Variants in GPR35 observed in about 807,000 individuals in gnomAD.
GPR35 encodes the protein KYNA receptor.
For synonymous variants in GPR35, 207 were observed against 198.4 expected, an observed-to-expected ratio of 1.04 and a Z score of -0.36; for missense variants, 372 against 422.5, an observed-to-expected ratio of 0.88 and a Z score of 1.05.
upstream of GPR35, among the ~76,000 whole-genome samples, chr2:240,624,226 T>TGGGAATTGAGATCGGGC (rs11275380): frequency 7.2e-5 from 11 of 152,024 alleles, no homozygotes; most frequent in East Asian, 2.1e-3. Context: ...GAGTGAGGGA[T>TGGGAATTGAGATCGGGC]GGATGAAATC....
intron 2 of GPR35, among the ~76,000 whole-genome samples, chr2:240,615,898 G>T (rs561140201): frequency 5.3e-5 from 8 of 152,200 alleles, no homozygotes; most frequent in African/African-American, 9.6e-5. Flanking sequence ...CACCTTATAC[G>T]TTTTTAAAAA....
chr2:240,623,329 C>CGCAAACAGGTCATGAGGGT (rs2043322354), upstream of GPR35, among the ~76,000 whole-genome samples: 6 of 102,592 alleles, frequency 5.8e-5, no homozygotes, highest in Non-Finnish European at 6.3e-5. Context: ...GTCGTGAGGG[C>CGCAAACAGGTCATGAGGGT]GCAAACAGGT....
upstream of GPR35, among the ~76,000 whole-genome samples, chr2:240,623,320 TCGTGAGGGC>T (rs1559437449): frequency 8.4e-3 from 1,182 of 140,670 alleles, 98 homozygotes; most frequent in African/African-American, 0.022. Flanking sequence ...CGCAAACAGG[TCGTGAGGGC>T]GCAAACAGGT....
upstream of GPR35, among the ~76,000 whole-genome samples, chr2:240,623,360 G>GTGAGGGTGCAAACAGGTCA (rs1559437553): frequency 7.7e-5 from 10 of 130,642 alleles, no homozygotes; most frequent in Non-Finnish European, 1.4e-4. Flanking sequence ...CAAACAGGTC[G>GTGAGGGTGCAAACAGGTCA]TGAGGGCGCA....
intron 4 of GPR35, among the ~76,000 whole-genome samples, chr2:240,618,516 C>T (rs146929875): frequency 0.013 from 1,961 of 152,212 alleles, 18 homozygotes; most frequent in Non-Finnish European, 0.019. Flanking sequence ...TATTGTCAAC[C>T]CATAATGCAA....
Position 240,630,075 on chromosome 2 carries a change from G to C in GPR35, c.123G>C (p.Ala41=), listed in dbSNP as rs61734451. Reference sequence around the variant, plus strand: ...TAGGCCTGCTGCTCAACAGCCTGGCGCTCTGGGTGTTCTGCTGCCGCATGC... The same window carrying C: ...TAGGCCTGCTGCTCAACAGCCTGGCCCTCTGGGTGTTCTGCTGCCGCATGC... ...LVLGLLLNSL[A]LWVFCCRMQQ... Residue 41 remains alanine, a synonymous_variant, in exon 2 of 2, where the codon GCG becomes GCC. Coordinates refer to ENST00000407714, the MANE Select transcript of GPR35 (RefSeq NM_005301.5). The C allele has an allele frequency of 0.014, 23,052 of 1,611,404 alleles. 239 individuals carry two copies. Among genetic ancestry groups the C allele is most frequent in the Non-Finnish European group, 0.018 (20,783 of 1,179,930 alleles).
At chr2:240,627,136 C>T (rs2043387695) in intron 1 of GPR35, among the ~76,000 whole-genome samples, 1 of 152,154 alleles carries the variant, frequency 6.6e-6, no homozygotes, top group African/African-American at 2.4e-5. Context: ...TGGTGTCTGT[C>T]GAGGAAGACA....
upstream of GPR35, among the ~76,000 whole-genome samples, chr2:240,623,112 G>T (rs1007698126): frequency 6.6e-6 from 1 of 152,214 alleles, no homozygotes; most frequent in African/African-American, 2.4e-5. Context: ...CCCGGCACTC[G>T]CAGCCCCGCG....
At chr2:240,617,908 G>A (rs1268603390) in intron 4 of GPR35, among the ~76,000 whole-genome samples, 2 of 152,164 alleles carry the variant, frequency 1.3e-5, no homozygotes, top group Non-Finnish European at 2.9e-5. Flanking sequence ...AATTACATTA[G>A]ACATTTCCTA....
chr2:240,627,170 G>A (rs990941129), intron 1 of GPR35, among the ~76,000 whole-genome samples: 2 of 152,208 alleles, frequency 1.3e-5, no homozygotes, highest in Non-Finnish European at 2.9e-5. Flanking sequence ...GAGGCGGGAG[G>A]CCAGCTACGG....
chr2:240,608,929 T>G (rs1489289991), intron 2 of GPR35, among the ~76,000 whole-genome samples: 1 of 152,222 alleles, frequency 6.6e-6, no homozygotes, highest in Non-Finnish European at 1.5e-5. Context: ...TTGTTACATT[T>G]TATTTTTCTT....
In GPR35 at chr2:240,632,119, C is replaced by G. The variant is rs375750945; in HGVS notation, c.*1237C>G. Among the ~76,000 whole-genome samples, 5 of 151,318 alleles carry G rather than the reference C, an allele frequency of 3.3e-5. No individual in the cohort carries two copies. Among genetic ancestry groups the G allele is most frequent in the African/African-American group, 9.7e-5 (4 of 41,180 alleles). On this transcript the variant is annotated 3_prime_UTR_variant, in exon 2 of 2. Coordinates refer to ENST00000407714, the MANE Select transcript of GPR35 (RefSeq NM_005301.5). ...CCTCATTCCCAGGAGGGTCCCGTGC[C>G]CAGGAGGGCTCTATGCCCAAAAGGG... is the stretch of plus-strand genomic sequence containing the variant.
rs775602865 is a variant in GPR35 at position 240,630,304 on chromosome 2, G to A, written c.352G>A (p.Val118Met). ...CATCGCCGTGGACCGCTATGTGGCC[G>A]TGCGGCACCCGCTGCGTGCCCGCGG... ...TAIAVDRYVAVRHPLRARGLR... is the reference protein window; with the variant it reads ...TAIAVDRYVAMRHPLRARGLR... Residue 118 changes from valine (V) to methionine (M), a missense_variant, in exon 2 of 2, where the codon GTG (valine) becomes ATG (methionine). By Grantham distance (21) the Val-to-Met change is conservative. Coordinates refer to ENST00000407714, the MANE Select transcript of GPR35 (RefSeq NM_005301.5). The A allele has an allele frequency of 3.5e-5, 55 of 1,580,252 alleles. No homozygotes were observed. Among genetic ancestry groups the A allele is most frequent in the African/African-American group, 6.7e-5 (5 of 74,496 alleles).
chr2:240,631,225 GC>G lies in GPR35; in HGVS notation c.*344del. On this transcript the variant is annotated 3_prime_UTR_variant, in exon 2 of 2. Transcript: ENST00000407714. ...ATGACACCTGCCGCTGCCCCTCGGG[GC>G]TGGAATAAAACTCCCCACCCAGAGT... The G allele has an allele frequency of 3.0e-6, 1 of 328,298 alleles. No individual in the cohort carries two copies. 20.3% of individuals were successfully genotyped at this position (328,298 alleles called of 1,614,324 possible). A position where few individuals can be genotyped will look rare whatever the true frequency, so the allele number is the denominator to read the frequency against.
In GPR35 at chr2:240,619,361, G is replaced by A. The variant is rs542703029; in HGVS notation, c.-5+330G>A. On this transcript the variant is annotated intron_variant, in intron 5 of 5. Transcript: ENST00000319838. Reference sequence around the variant, plus strand: ...AGCAATTTACATCTCCTCTGTGAGCGTCTACTCCCATCTCTATCAGCAGGC... The same window carrying A: ...AGCAATTTACATCTCCTCTGTGAGCATCTACTCCCATCTCTATCAGCAGGC... 1.6e-4 allele frequency among the ~76,000 whole-genome samples: 24 copies of A among 152,344 alleles called. No individual in the cohort carries two copies. The South Asian group carries it at 1.7e-3, about 11-fold the overall frequency.
upstream of GPR35, among the ~76,000 whole-genome samples, chr2:240,623,910 G>A (rs1459959785): frequency 2.6e-5 from 4 of 152,092 alleles, no homozygotes; most frequent in Non-Finnish European, 5.9e-5. Context: ...CCACGTCAGG[G>A]AGGCCAGGCC....
At position 240,631,928 on chromosome 2, in the gene GPR35, A is replaced by G. The variant is rs2043453103; in HGVS notation, c.*1046A>G. ...AGAGAGATGGCAGTCATGTTCTGGC[A>G]GGGACATGGCACAAGCATGCGGCTG... On this transcript the variant is annotated 3_prime_UTR_variant, in exon 2 of 2. Coordinates refer to ENST00000407714, the MANE Select transcript of GPR35 (RefSeq NM_005301.5). Among the ~76,000 whole-genome samples, 1 of 152,188 alleles carries G rather than the reference A, an allele frequency of 6.6e-6. No individual in the cohort carries two copies. The highest frequency in any genetic ancestry group is 2.1e-4 in the South Asian group (1 of 4,824).
intron 2 of GPR35, chr2:240,607,107 G>T (rs1316864725): frequency 1.3e-5 from 2 of 152,050 alleles, no homozygotes; most frequent in African/African-American, 2.4e-5. Flanking sequence ...TCACATAGAT[G>T]ACTATGAGGA....
In GPR35 at chr2:240,630,312, C is replaced by A; in HGVS notation, c.360C>A (p.His120Gln). 6.3e-7 allele frequency: 1 copy of A among 1,585,642 alleles called. No individual in the cohort carries two copies. Among genetic ancestry groups the A allele is most frequent in the East Asian group, 2.2e-5 (1 of 44,608 alleles). Residue 120 changes from histidine (H) to glutamine (Q), a missense_variant, in exon 2 of 2, where the codon CAC becomes CAA. Transcript: ENST00000407714. ...IAVDRYVAVR[H>Q]PLRARGLRSP... The stretch of plus-strand genomic sequence containing the variant: ...TGGACCGCTATGTGGCCGTGCGGCA[C>A]CCGCTGCGTGCCCGCGGGCTGCGGT...
Sources: gnomAD v4.1 joint callset for allele counts (sites outside exome capture counted in the v4.1 genomes callset) on GRCh38, gnomAD v4.1.1 for gene constraint, MANE v1.5 for transcripts, NCBI Gene and HGNC (gene_info 2026-07-23, HGNC 2026-07-21) for gene names.